Variants in TBC1D1 observed in about 807,000 individuals in gnomAD.
TBC1D1 encodes the protein TBC1 (tre-2/USP6, BUB2, cdc16) domain family, member 1.
In TBC1D1, 89 loss-of-function variants were observed where a neutral mutation model predicts 125.6. That is an observed-to-expected ratio of 0.71 (90% confidence interval 0.60 to 0.85). TBC1D1 has a LOEUF of 0.85. Ranked by LOEUF, TBC1D1 falls within the 40% of genes least tolerant of loss-of-function variation. TBC1D1 has a pLI of 0.00. For synonymous variants in TBC1D1, 565 were observed against 564.1 expected, an observed-to-expected ratio of 1.00 and a Z score of -0.02; for missense variants, 1,377 against 1,469.2, an observed-to-expected ratio of 0.94 and a Z score of 1.03.
At chr4:37,969,015 CT>C (rs1399660688) in intron 2 of TBC1D1, among the ~76,000 whole-genome samples, 1 of 152,186 alleles carries the variant, frequency 6.6e-6, no homozygotes, top group African/African-American at 2.4e-5. Flanking sequence ...CACAGTCTTG[CT>C]GTTAGACACA....
At chr4:38,028,286 T>C (rs550865590) in intron 7 of TBC1D1, among the ~76,000 whole-genome samples, 4 of 152,252 alleles carry the variant, frequency 2.6e-5, no homozygotes, top group African/African-American at 9.6e-5. Flanking sequence ...CTGCCTCAGC[T>C]TCCTGAGTAG....
At chr4:38,133,347 A>G (rs1578875379) in intron 19 of TBC1D1, 90 bp downstream of exon 21, 3 of 1,256,160 alleles carry the variant, frequency 2.4e-6, no homozygotes, top group East Asian at 2.4e-5. Flanking sequence ...GGGCTTTCCC[A>G]TGACCAGAGG....
At chr4:38,019,502 G>T (rs928276368) in intron 4 of TBC1D1, among the ~76,000 whole-genome samples, 5 of 152,082 alleles carry the variant, frequency 3.3e-5, no homozygotes, top group Admixed American at 6.5e-5. Flanking sequence ...CTGATTTGCT[G>T]CTATTTCTGT....
At chr4:38,082,811 GCTC>G (rs1454223836) in intron 12 of TBC1D1, among the ~76,000 whole-genome samples, 7 of 152,282 alleles carry the variant, frequency 4.6e-5, no homozygotes, top group African/African-American at 7.2e-5. Flanking sequence ...GGTCTTCAGT[GCTC>G]CTCTGAGCTG....
chr4:37,895,758 T>C (rs771439000), intron 1 of TBC1D1, among the ~76,000 whole-genome samples: 4 of 152,178 alleles, frequency 2.6e-5, no homozygotes, highest in Non-Finnish European at 5.9e-5. Context: ...ATCATTACTT[T>C]ACATGTCAAA....
At chr4:38,052,335 GT>G (rs66650664) in intron 11 of TBC1D1, among the ~76,000 whole-genome samples, 42,483 of 140,960 alleles carry the variant, frequency 0.3, 6,122 homozygotes, top group East Asian at 0.57. Context: ...GTTTGTGTTT[GT>G]TTTTTTTTTT....
intron 2 of TBC1D1, among the ~76,000 whole-genome samples, chr4:37,922,073 AC>A (rs1295302155): frequency 2.0e-5 from 3 of 152,064 alleles, no homozygotes; most frequent in African/African-American, 7.2e-5. Context: ...TAAATAGGAT[AC>A]CCTTCCACTT....
At chr4:38,135,966 A>G (rs928856685) in intron 19 of TBC1D1, among the ~76,000 whole-genome samples, 2 of 150,978 alleles carry the variant, frequency 1.3e-5, no homozygotes, top group African/African-American at 4.9e-5. Flanking sequence ...ATATGTGTAT[A>G]TATATACCAT....
chr4:38,125,549 TAACA>T (rs1764506860), intron 18 of TBC1D1, among the ~76,000 whole-genome samples: 1 of 152,256 alleles, frequency 6.6e-6, no homozygotes, highest in South Asian at 2.1e-4. Flanking sequence ...AATTCTTTGA[TAACA>T]AAGTTATGAT....
intron 12 of TBC1D1, among the ~76,000 whole-genome samples, chr4:38,086,437 A>C (rs898033531): frequency 6.6e-6 from 1 of 152,230 alleles, no homozygotes; most frequent in Non-Finnish European, 1.5e-5. Flanking sequence ...CCAAAATGTC[A>C]GTAGTGCTGA....
At chr4:38,066,265 CTTT>C (rs34977188) in intron 12 of TBC1D1, among the ~76,000 whole-genome samples, 1 of 137,628 alleles carries the variant, frequency 7.3e-6, no homozygotes, top group Non-Finnish European at 1.6e-5. Context: ...TTATTAGCAA[CTTT>C]TTTTTTTTTT....
Position 38,035,576 on chromosome 4 carries a change from T to C in TBC1D1, c.1303-12T>C, listed in dbSNP as rs555392980. On this transcript the variant is annotated splice_polypyrimidine_tract_variant and intron_variant, in intron 7 of 19. Coordinates refer to ENST00000261439, the MANE Select transcript of TBC1D1 (RefSeq NM_015173.4). ...TTAAAAATAAATCCTGTTTCTGATTTTTGTTTTAAAGAAATTGAGACCGAG... is the reference window on the plus strand; with the variant it reads ...TTAAAAATAAATCCTGTTTCTGATTCTTGTTTTAAAGAAATTGAGACCGAG... 8.7e-6 allele frequency: 14 copies of C among 1,604,172 alleles called. No individual in the cohort carries two copies. In the East Asian group the frequency reaches 2.9e-4, roughly 33 times the overall value.
intron 19 of TBC1D1, among the ~76,000 whole-genome samples, chr4:38,135,908 ATACG>A (rs1766475968): frequency 6.8e-6 from 1 of 146,856 alleles, no homozygotes; most frequent in Non-Finnish European, 1.5e-5. Flanking sequence ...GTGTGTATAT[ATACG>A]TGTGTGTGTA....
chr4:37,994,456 G>T (rs761416610), intron 2 of TBC1D1, among the ~76,000 whole-genome samples: 9 of 152,016 alleles, frequency 5.9e-5, no homozygotes, highest in Non-Finnish European at 1.3e-4. Flanking sequence ...TGTTGCCCAG[G>T]CTGGTCTTGA....
intron 17 of TBC1D1, 48 bp downstream of exon 19, chr4:38,118,240 AG>A (rs1345269173): frequency 1.6e-5 from 25 of 1,596,264 alleles, no homozygotes; most frequent in Non-Finnish European, 2.1e-5. Flanking sequence ...CTCTTATTAG[AG>A]GGGAAACATT....
chr4:38,081,586 G>A (rs534953887), intron 12 of TBC1D1, among the ~76,000 whole-genome samples: 20 of 152,244 alleles, frequency 1.3e-4, no homozygotes, highest in African/African-American at 3.6e-4. Flanking sequence ...AGAAGTCTAA[G>A]CAACAGAAAG....
At chr4:38,121,133 TG>T (rs1278585103) in intron 17 of TBC1D1, among the ~76,000 whole-genome samples, 3 of 152,214 alleles carry the variant, frequency 2.0e-5, no homozygotes, top group African/African-American at 7.2e-5. Context: ...CTGTCTGTGC[TG>T]TTGTTCTGCA....
intron 18 of TBC1D1, among the ~76,000 whole-genome samples, chr4:38,128,652 A>G (rs971068400): frequency 1.3e-5 from 2 of 152,218 alleles, no homozygotes; most frequent in Admixed American, 6.5e-5. Context: ...GAGGTGGCCA[A>G]GGACAGGGCT....
rs770764419 is a variant in TBC1D1, at chr4:38,014,710, C to CG, written c.624dup (p.Ser209ValfsTer39). ...GAAGTTCAATCACGTCAGCGGCAGC[C>CG]GGGGGTCCGAGAGCCCCCGCCCCAA... is the stretch of plus-strand genomic sequence containing the variant. On this transcript the variant is annotated frameshift_variant, in exon 3 of 20. Coordinates refer to ENST00000261439, the MANE Select transcript of TBC1D1 (RefSeq NM_015173.4). LOFTEE classifies it high-confidence loss of function. The surrounding 1 kb of genome is among the most constrained non-coding windows in gnomAD (Gnocchi z 5.1). The CG allele has an allele frequency of 6.2e-7, 1 of 1,612,440 alleles. No individual in the cohort carries two copies. The highest frequency in any genetic ancestry group is 1.1e-5 in the South Asian group (1 of 91,076).
Sources: gnomAD v4.1 joint callset for allele counts (sites outside exome capture counted in the v4.1 genomes callset) on GRCh38, gnomAD v4.1.1 for gene constraint, Gnocchi (gnomAD v3.1) non-coding constraint, MANE v1.5 for transcripts, NCBI Gene and HGNC (gene_info 2026-07-23, HGNC 2026-07-21) for gene names.